PDE4B: variants seen among roughly 807,000 people sequenced by gnomAD.
PDE4B encodes 3',5'-cyclic-AMP phosphodiesterase 4B.
Under a neutral mutation model 82.2 loss-of-function variants are expected in PDE4B, and 20 were observed. The observed-to-expected ratio is 0.24, with a 90% CI of 0.17 to 0.35. The LOEUF (loss-of-function observed/expected upper bound fraction) is 0.35. Among genes scored for constraint, PDE4B ranks in the 10% least tolerant of loss-of-function variants. PDE4B has a pLI of 1.00. For missense variants in PDE4B, 655 were observed against 907.2 expected, an observed-to-expected ratio of 0.72 and a Z score of 3.57; for synonymous variants, 320 against 318.9, an observed-to-expected ratio of 1.00 and a Z score of -0.04.
chr1:65,997,640 TGA>T (rs1273897089), intron 3 of PDE4B, among the ~76,000 whole-genome samples: 1 of 152,208 alleles, frequency 6.6e-6, no homozygotes, highest in Non-Finnish European at 1.5e-5. Flanking sequence ...GGAAATTTTT[TGA>T]GAGATGTCTG....
intron 3 of PDE4B, among the ~76,000 whole-genome samples, chr1:66,244,793 G>C (rs183412936): frequency 1.2e-4 from 18 of 152,244 alleles, no homozygotes; most frequent in Non-Finnish European, 2.4e-4. Context: ...GTTTAAGTAG[G>C]GTAAGAAGGA....
At chr1:66,289,997 A>G (rs1025714773) in intron 7 of PDE4B, among the ~76,000 whole-genome samples, 2 of 152,204 alleles carry the variant, frequency 1.3e-5, no homozygotes, top group Admixed American at 6.6e-5. Flanking sequence ...GGCTTGAACC[A>G]CTGAGTGAGT....
At chr1:65,883,474 TA>T (rs1358327702) in intron 1 of PDE4B, among the ~76,000 whole-genome samples, 2 of 152,116 alleles carry the variant, frequency 1.3e-5, no homozygotes, top group Non-Finnish European at 2.9e-5. Context: ...TATTGGTGTA[TA>T]AGAATGCTTG....
chr1:66,018,189 G>A (rs1447305060), intron 3 of PDE4B, among the ~76,000 whole-genome samples: 2 of 152,078 alleles, frequency 1.3e-5, no homozygotes, highest in Non-Finnish European at 2.9e-5. Context: ...AGGCCAATGC[G>A]GGCGGATCAC....
At chr1:66,366,316 A>G (rs1214915196) in intron 13 of PDE4B, among the ~76,000 whole-genome samples, 16 of 152,178 alleles carry the variant, frequency 1.1e-4, no homozygotes, top group Admixed American at 6.6e-4. Flanking sequence ...GATTGGGAGT[A>G]GCAATGACCT....
At chr1:65,966,850 C>T (rs1649863015) in intron 3 of PDE4B, among the ~76,000 whole-genome samples, 1 of 152,172 alleles carries the variant, frequency 6.6e-6, no homozygotes, top group African/African-American at 2.4e-5. Context: ...AAAGCTGAAA[C>T]TGGATCCCTT....
chr1:66,330,823 T>C, intron 7 of PDE4B: 1 of 982,060 alleles, frequency 1.0e-6, no homozygotes. Flanking sequence ...AAATTGAAGA[T>C]GAAGAAAGGA....
intron 3 of PDE4B, among the ~76,000 whole-genome samples, chr1:66,115,663 C>CT (rs1645580509): frequency 6.6e-6 from 1 of 152,202 alleles, no homozygotes; most frequent in Admixed American, 6.5e-5. Context: ...ACTTGTTCCT[C>CT]TTTTTCAATT....
intron 3 of PDE4B, among the ~76,000 whole-genome samples, chr1:66,096,606 T>A (rs1645126578): frequency 6.7e-6 from 1 of 148,568 alleles, no homozygotes; most frequent in Non-Finnish European, 1.5e-5. Context: ...TGATTATATA[T>A]TGACCATATT....
At chr1:66,014,310 C>T (rs1366180728) in intron 3 of PDE4B, among the ~76,000 whole-genome samples, 1 of 152,070 alleles carries the variant, frequency 6.6e-6, no homozygotes, top group African/African-American at 2.4e-5. Context: ...CCTAATTTAT[C>T]TACTTTCACT....
intron 1 of PDE4B, among the ~76,000 whole-genome samples, chr1:65,885,377 T>G (rs192652665): frequency 0.013 from 1,996 of 152,148 alleles, 51 homozygotes; most frequent in African/African-American, 0.046. Flanking sequence ...ACCCAAAGGA[T>G]TATAAATCAT....
chr1:65,880,300 G>A (rs1646695051), intron 1 of PDE4B, among the ~76,000 whole-genome samples: 1 of 152,204 alleles, frequency 6.6e-6, no homozygotes, highest in African/African-American at 2.4e-5. Context: ...GGCCATCAAT[G>A]TAATATAAAT....
intron 3 of PDE4B, among the ~76,000 whole-genome samples, chr1:65,982,850 T>G (rs1650757319): frequency 6.6e-6 from 1 of 152,196 alleles, no homozygotes; most frequent in African/African-American, 2.4e-5. Flanking sequence ...GAAGGTAGTT[T>G]AGAGGCCAGC....
chr1:66,090,225 C>T (rs1468985432), intron 3 of PDE4B, among the ~76,000 whole-genome samples: 2 of 151,952 alleles, frequency 1.3e-5, no homozygotes, highest in African/African-American at 2.4e-5. Flanking sequence ...GGATTACCTT[C>T]AGAGGTAGGC....
chr1:66,214,407 A>G (rs1358735311), intron 3 of PDE4B, among the ~76,000 whole-genome samples: 1 of 152,158 alleles, frequency 6.6e-6, no homozygotes, highest in East Asian at 1.9e-4. Context: ...TAAGGCACAC[A>G]CAAGGGAGTT....
At position 66,295,459 on chromosome 1, in the gene PDE4B, C is replaced by T. The variant is rs575272324; in HGVS notation, c.634+29372C>T. ...TTTTGTTTTGTTTTTTGTTTTCTGA[C>T]GGAGTCTCACTCTGTCATGAGTGCA... On this transcript the variant is annotated intron_variant, in intron 7 of 16. Coordinates refer to ENST00000341517, the MANE Select transcript of PDE4B (RefSeq NM_002600.4). Among the ~76,000 whole-genome samples, 28 of 152,078 alleles carry T rather than the reference C, an allele frequency of 1.8e-4. No individual in the cohort carries two copies. In the South Asian group the frequency reaches 1.9e-3, roughly 10 times the overall value.
intron 3 of PDE4B, among the ~76,000 whole-genome samples, chr1:65,951,317 A>G (rs1400521387): frequency 1.3e-5 from 2 of 152,036 alleles, no homozygotes; most frequent in African/African-American, 4.8e-5. Flanking sequence ...ATACTAATAC[A>G]CGTTATTTCT....
chr1:65,894,666 A>C (rs547166997), intron 1 of PDE4B, among the ~76,000 whole-genome samples: 1 of 152,328 alleles, frequency 6.6e-6, no homozygotes, highest in African/African-American at 2.4e-5. Context: ...ACTCTTACAA[A>C]CCAGTAGGGA....
intron 3 of PDE4B, among the ~76,000 whole-genome samples, chr1:66,026,717 C>A (rs1653455784): frequency 6.6e-6 from 1 of 152,176 alleles, no homozygotes; most frequent in Non-Finnish European, 1.5e-5. Context: ...TAAATATTAA[C>A]TGTTATTCTC....
Sources: gnomAD v4.1 joint callset for allele counts (sites outside exome capture counted in the v4.1 genomes callset) on GRCh38, gnomAD v4.1.1 for gene constraint, MANE v1.5 for transcripts, NCBI Gene and HGNC (gene_info 2026-07-23, HGNC 2026-07-21) for gene names.